The following ZZEF1 variants were observed in gnomAD, a reference collection of about 807,000 sequenced individuals.
The protein encoded by ZZEF1 is zinc finger ZZ-type and EF-hand domain containing 1, also known as zinc finger ZZ-type and EF-hand domain-containing protein 1.
Under a neutral mutation model 342.8 loss-of-function variants are expected in ZZEF1, and 157 were observed. The ratio of observed to expected loss-of-function variants is 0.46; its 90% CI spans 0.40 to 0.52. The LOEUF (loss-of-function observed/expected upper bound fraction) is 0.52, where lower values mean the gene tolerates loss of function less well. ZZEF1 is among the 20% of genes least tolerant of loss of function. The probability of loss-of-function intolerance (pLI) is 0.00; values close to 1 mark genes in which losing one functional copy is unlikely to be tolerated. For missense variants in ZZEF1, 3,480 were observed against 3,725.6 expected (o/e 0.93, Z 1.72); for synonymous variants, 1,505 against 1,429.1 (o/e 1.05, Z -1.20).
At chr17:4,036,776 T>TAC (rs761229612) in intron 39 of ZZEF1, among the ~76,000 whole-genome samples, 19,776 of 99,518 alleles carry the variant, frequency 0.2, 2,639 homozygotes, top group Non-Finnish European at 0.26. Context: ...ATATATAGAA[T>TAC]ACACACACAC....
At chr17:4,009,442 G>T in intron 53 of ZZEF1, 162 bp downstream of exon 53, 1 of 974,232 alleles carries the variant, frequency 1.0e-6, no homozygotes, top group Non-Finnish European at 1.5e-6. Context: ...CCCAGGCCTG[G>T]GAGAGGCGAG....
At chr17:4,125,144 C>T (rs1372928797) in intron 1 of ZZEF1, among the ~76,000 whole-genome samples, 1 of 152,142 alleles carries the variant, frequency 6.6e-6, no homozygotes, top group Admixed American at 6.5e-5. Flanking sequence ...TTACATCCTA[C>T]AAGACTTACC....
chr17:4,018,401 C>T (rs928662952), intron 46 of ZZEF1, among the ~76,000 whole-genome samples: 1 of 152,076 alleles, frequency 6.6e-6, no homozygotes, highest in African/African-American at 2.4e-5. Context: ...AGGCTCATAC[C>T]ACCATGCCTG....
Position 4,014,549 on chromosome 17 carries a change from T to A in ZZEF1, c.8146-34A>T, listed in dbSNP as rs1257923334. On this transcript the variant is annotated intron_variant, in intron 49 of 54. Coordinates refer to ENST00000381638, the MANE Select transcript of ZZEF1 (RefSeq NM_015113.4). The surrounding 1 kb of genome is among the most constrained non-coding windows in gnomAD (Gnocchi z 4.4). ...GGGAAATGGAGAACACATCTGTCGA[T>A]GCTGCTCACTAGACACTGACTGCAG... 6.2e-7 allele frequency: 1 copy of A among 1,610,228 alleles called. No homozygotes were observed.
At chr17:4,012,525 G>A (rs999074892) in intron 52 of ZZEF1, among the ~76,000 whole-genome samples, 1 of 152,158 alleles carries the variant, frequency 6.6e-6, no homozygotes, top group Non-Finnish European at 1.5e-5. Flanking sequence ...TGACAGGGAG[G>A]GTTCTGAGCA....
intron 3 of ZZEF1, among the ~76,000 whole-genome samples, chr17:4,114,851 AAAT>A (rs544621194): frequency 1.4e-4 from 22 of 152,336 alleles, no homozygotes; most frequent in Non-Finnish European, 2.6e-4. Context: ...TACATTTTTT[AAAT>A]AATGAGTGAC....
At chr17:4,037,147 TATAAC>T (rs1473971881) in intron 39 of ZZEF1, among the ~76,000 whole-genome samples, 1 of 152,148 alleles carries the variant, frequency 6.6e-6, no homozygotes, top group Non-Finnish European at 1.5e-5. Flanking sequence ...CCCATACTGA[TATAAC>T]TAACTAAATA....
At chr17:4,114,533 T>C in intron 3 of ZZEF1, 63 bp from the exon 4 acceptor site, 1 of 1,311,430 alleles carries the variant, frequency 7.6e-7, no homozygotes, top group Non-Finnish European at 1.0e-6. Context: ...AAAAGAGTCA[T>C]TTAAAATATC....
chr17:4,137,397 T>C (rs2085043), intron 1 of ZZEF1, among the ~76,000 whole-genome samples: 25,266 of 152,124 alleles, frequency 0.17, 2,198 homozygotes, highest in East Asian at 0.19. Flanking sequence ...GATCACAAGG[T>C]CAGGAGATCG....
At chr17:4,037,582 TTTTTC>T (rs1346113294) in intron 39 of ZZEF1, among the ~76,000 whole-genome samples, 1 of 152,280 alleles carries the variant, frequency 6.6e-6, no homozygotes, top group South Asian at 2.1e-4. Flanking sequence ...ATTCTTTTTC[TTTTTC>T]TTTTCTTTTT....
At chr17:4,007,343 G>C (rs1286264089) in intron 54 of ZZEF1, among the ~76,000 whole-genome samples, 1 of 152,250 alleles carries the variant, frequency 6.6e-6, no homozygotes, top group Non-Finnish European at 1.5e-5. Context: ...GAGAAAACAG[G>C]GCCAGGAGGG....
intron 1 of ZZEF1, among the ~76,000 whole-genome samples, chr17:4,132,105 G>A (rs867573158): frequency 6.6e-6 from 1 of 152,264 alleles, no homozygotes; most frequent in African/African-American, 2.4e-5. Context: ...GAGACATTGG[G>A]ACAGGACAGC....
At chr17:4,083,997 T>C (rs1374563998) in intron 16 of ZZEF1, among the ~76,000 whole-genome samples, 1 of 152,192 alleles carries the variant, frequency 6.6e-6, no homozygotes, top group Non-Finnish European at 1.5e-5. Context: ...TCAAAACAAA[T>C]AAATATTTGT....
chr17:4,018,030 G>A lies in ZZEF1; in HGVS notation c.7506-59C>T, dbSNP rs1324596149. The A allele has an allele frequency of 3.1e-6, 5 of 1,589,626 alleles. No individual in the cohort carries two copies. In the African/African-American group the frequency reaches 5.4e-5, roughly 17 times the overall value. On this transcript the variant is annotated intron_variant, in intron 46 of 54. Transcript: ENST00000381638. The stretch of plus-strand genomic sequence containing the variant: ...AGTGTAGACAGGCCAGTTTTAACCT[G>A]CACTTAAACTTGTTGGCAATGTTCT...
intron 1 of ZZEF1, among the ~76,000 whole-genome samples, chr17:4,125,969 G>A (rs1226407106): frequency 6.6e-6 from 1 of 152,108 alleles, no homozygotes; most frequent in African/African-American, 2.4e-5. Flanking sequence ...GTTCACACCT[G>A]TAATCCCAGC....
intron 1 of ZZEF1, among the ~76,000 whole-genome samples, chr17:4,134,708 T>C (rs753259514): frequency 3.3e-5 from 5 of 152,044 alleles, no homozygotes; most frequent in Non-Finnish European, 7.4e-5. Context: ...TAGTACACGA[T>C]GGAGCTTGAA....
intron 42 of ZZEF1, among the ~76,000 whole-genome samples, chr17:4,029,580 G>A (rs1177191409): frequency 6.6e-6 from 1 of 152,040 alleles, no homozygotes; most frequent in Admixed American, 6.6e-5. Context: ...AAGGAAGAAA[G>A]GTCTCAAATC....
intron 1 of ZZEF1, among the ~76,000 whole-genome samples, chr17:4,140,567 G>A (rs1388613841): frequency 6.6e-6 from 1 of 152,184 alleles, no homozygotes; most frequent in Non-Finnish European, 1.5e-5. Context: ...CCAAGTGAGT[G>A]GCACTCGATA....
intron 1 of ZZEF1, among the ~76,000 whole-genome samples, chr17:4,127,660 C>T (rs766080990): frequency 2.6e-5 from 4 of 152,136 alleles, no homozygotes; most frequent in East Asian, 1.9e-4. Flanking sequence ...AGCAGTATGG[C>T]GTGTGGACTA....
Sources: allele counts gnomAD v4.1 joint callset (sites outside exome capture counted in the v4.1 genomes callset), GRCh38; gene constraint gnomAD v4.1.1; non-coding constraint Gnocchi (gnomAD v3.1); transcripts MANE v1.5; gene names NCBI Gene and HGNC (gene_info 2026-07-23, HGNC 2026-07-21).